DCP1B: variants seen among roughly 807,000 people sequenced by gnomAD.
DCP1B encodes mRNA-decapping enzyme 1B.
DCP1B carries 47 observed loss-of-function variants against 60.5 expected under a neutral mutation model. That is an observed-to-expected ratio of 0.78 (90% CI 0.61 to 0.99). The LOEUF is 0.99. Ranked by LOEUF, DCP1B falls within the 50% of genes least tolerant of loss-of-function variation. DCP1B has a pLI of 0.00. For missense variants in DCP1B, 725 were observed against 756.8 expected, an observed-to-expected ratio of 0.96 and a Z score of 0.49; for synonymous variants, 267 against 280.3, an observed-to-expected ratio of 0.95 and a Z score of 0.47.
At chr12:1,994,979 G>A (rs1486101701) in intron 2 of DCP1B, among the ~76,000 whole-genome samples, 1 of 142,586 alleles carries the variant, frequency 7.0e-6, no homozygotes, top group African/African-American at 2.6e-5. Flanking sequence ...CAACATTCTA[G>A]GATCTGGGAG....
At chr12:1,974,058 A>G (rs1304355434) in intron 3 of DCP1B, among the ~76,000 whole-genome samples, 2 of 152,210 alleles carry the variant, frequency 1.3e-5, no homozygotes, top group African/African-American at 4.8e-5. Context: ...CCACTAGACT[A>G]TAAGCTCCTG....
chr12:1,943,294 G>C (rs2030324519), downstream of DCP1B, among the ~76,000 whole-genome samples: 1 of 152,162 alleles, frequency 6.6e-6, no homozygotes, highest in Non-Finnish European at 1.5e-5. Flanking sequence ...CTGAAATTGA[G>C]GCAGTAATTA....
intron 3 of DCP1B, among the ~76,000 whole-genome samples, chr12:1,990,217 T>C (rs1316506413): frequency 1.3e-5 from 2 of 152,234 alleles, no homozygotes; most frequent in Admixed American, 1.3e-4. Context: ...GAAAAAGTTA[T>C]GGGATAACCC....
At position 1,949,217 on chromosome 12, in the gene DCP1B, C is replaced by T. The variant is rs200121287; in HGVS notation, c.1642G>A (p.Val548Met). ...PKERESGLLP[V>M]GGQEPPAAAT... ...GCAGCAGGTGGCTCCTGGCCTCCCA[C>T]AGGCAAGAGGCCGCTCTCCCTTTCC... The change falls in exon 8 of 9, where the codon GTG becomes ATG. Residue 548 changes from valine to methionine, a missense_variant. Physicochemically the swap from Val to Met is conservative, Grantham distance 21. Coordinates refer to ENST00000280665, the MANE Select transcript of DCP1B (RefSeq NM_152640.5). 7 of 1,614,178 alleles carry T rather than the reference C, an allele frequency of 4.3e-6. No homozygotes were observed. In the Admixed American group the frequency reaches 6.7e-5, roughly 15 times the overall value.
At chr12:1,946,962 T>C (rs1378331292) in intron 8 of DCP1B, among the ~76,000 whole-genome samples, 1 of 152,166 alleles carries the variant, frequency 6.6e-6, no homozygotes, top group African/African-American at 2.4e-5. Flanking sequence ...TCCCCAAGTG[T>C]TGGATTACAG....
rs371483996 is a variant in DCP1B, at chr12:1,953,074, T to C, written c.866A>G (p.Gln289Arg). The C allele has an allele frequency of 9.9e-6, 16 of 1,614,172 alleles. No individual in the cohort carries two copies. The highest frequency in any genetic ancestry group is 2.7e-5 in the African/African-American group (2 of 75,036). Residue 289 changes from glutamine to arginine, a missense_variant, in exon 7 of 9, where the codon CAG becomes CGG. Gln to Arg is a conservative substitution (Grantham distance 43). Coordinates refer to ENST00000280665, the MANE Select transcript of DCP1B (RefSeq NM_152640.5). Reference sequence around the variant, plus strand: ...GAGTTTCTGAATGGCTGGACAGAGCTGCTTCTCAATGGGGGGTGAGTGTCT... The same window carrying C: ...GAGTTTCTGAATGGCTGGACAGAGCCGCTTCTCAATGGGGGGTGAGTGTCT... ...PRRHSPPIEK[Q>R]LCPAIQKLMV...
chr12:1,969,054 A>C (rs2031599484), intron 3 of DCP1B, among the ~76,000 whole-genome samples: 1 of 152,220 alleles, frequency 6.6e-6, no homozygotes, highest in East Asian at 1.9e-4. Context: ...ATCTTCACTG[A>C]AAACAGCAGC....
At chr12:1,943,614 C>G (rs895357450), downstream of DCP1B, among the ~76,000 whole-genome samples, 1 of 152,140 alleles carries the variant, frequency 6.6e-6, no homozygotes, top group Non-Finnish European at 1.5e-5. Context: ...CTTCATCCCT[C>G]GGATGCAAGG....
chr12:1,959,362 T>A (rs1032389955), intron 5 of DCP1B, among the ~76,000 whole-genome samples: 7 of 152,148 alleles, frequency 4.6e-5, no homozygotes, highest in Non-Finnish European at 8.8e-5. Flanking sequence ...CCAAAGTAGA[T>A]AAGGAACTCA....
At chr12:1,957,948 C>T (rs1464464156) in intron 5 of DCP1B, among the ~76,000 whole-genome samples, 1 of 152,148 alleles carries the variant, frequency 6.6e-6, no homozygotes, top group Non-Finnish European at 1.5e-5. Context: ...GAGACTTAAG[C>T]GTAAGGCCTG....
chr12:1,965,986 T>A (rs2031281425), intron 4 of DCP1B: 1 of 294,002 alleles, frequency 3.4e-6, no homozygotes. Flanking sequence ...TGCTCCTTTG[T>A]TTACATGTTG....
intron 3 of DCP1B, among the ~76,000 whole-genome samples, chr12:1,972,175 C>G (rs1476799897): frequency 6.6e-6 from 1 of 152,204 alleles, no homozygotes; most frequent in Non-Finnish European, 1.5e-5. Context: ...TGACATTACA[C>G]AAACCTCTTC....
At chr12:1,996,634 A>C (rs2470398) in intron 2 of DCP1B, among the ~76,000 whole-genome samples, 18,713 of 122,474 alleles carry the variant, frequency 0.15, 2,460 homozygotes, top group Admixed American at 0.22. Flanking sequence ...AAAAAAAAAA[A>C]AAAAAAAAAA....
At position 1,946,067 on chromosome 12, in the gene DCP1B, T is replaced by C. The variant is rs2030407667; in HGVS notation, c.*139A>G. ...AAACACTTGAGTATAAAAAAAAGTC[T>C]GAAACATTTTACTTCATATTACACA... is the stretch of plus-strand genomic sequence containing the variant. On this transcript the variant is annotated 3_prime_UTR_variant, in exon 9 of 9. Transcript: ENST00000280665. The C allele has an allele frequency of 4.9e-6, 3 of 616,324 alleles. No individual in the cohort carries two copies. The East Asian group carries it at 9.3e-5, about 19-fold the overall frequency. The allele number at this position is 616,324 out of a possible 1,614,324, so 38.2% of individuals were successfully genotyped here. A position where few individuals can be genotyped will look rare whatever the true frequency, so the allele number is the denominator to read the frequency against.
chr12:1,999,420 A>G (rs2041670444), intron 1 of DCP1B, among the ~76,000 whole-genome samples: 1 of 152,256 alleles, frequency 6.6e-6, no homozygotes, highest in African/African-American at 2.4e-5. Context: ...AATTATAAAT[A>G]AAGAATTTAG....
In DCP1B at chr12:1,948,945, C is replaced by T; in HGVS notation, c.1773+141G>A. The T allele has an allele frequency of 9.0e-7, 1 of 1,114,222 alleles. No homozygotes were observed. 69.0% of individuals were successfully genotyped at this position (1,114,222 alleles called of 1,614,324 possible). A position where few individuals can be genotyped will look rare whatever the true frequency, so the allele number is the denominator to read the frequency against. On this transcript the variant is annotated intron_variant, in intron 8 of 8. Transcript: ENST00000280665. The surrounding 1 kb of genome is among the most constrained non-coding windows in gnomAD (Gnocchi z 4.8). ...CCTAGCTAACTGAGCACAGAAGCCGCTGGGGTCAGGATGAGTTGTTACACA... is the reference window on the plus strand; with the variant it reads ...CCTAGCTAACTGAGCACAGAAGCCGTTGGGGTCAGGATGAGTTGTTACACA...
chr12:1,983,103 T>C (rs950778410), intron 3 of DCP1B, among the ~76,000 whole-genome samples: 3 of 152,058 alleles, frequency 2.0e-5, no homozygotes, highest in Non-Finnish European at 4.4e-5. Flanking sequence ...CTTTCATTTC[T>C]GATACTGCTA....
At chr12:1,952,311 C>A in intron 7 of DCP1B, 105 bp downstream of exon 7, 3 of 1,362,628 alleles carry the variant, frequency 2.2e-6, no homozygotes, top group Non-Finnish European at 1.9e-6. Flanking sequence ...GTAGCTGGTG[C>A]TATAGGCGTG....
chr12:1,998,083 A>G, intron 1 of DCP1B, 108 bp from the exon 2 acceptor site: 2 of 865,146 alleles, frequency 2.3e-6, no homozygotes, highest in East Asian at 5.6e-5. Flanking sequence ...CAATGGGCCA[A>G]ATATACCCAA....
Sources: gnomAD v4.1 joint callset for allele counts (sites outside exome capture counted in the v4.1 genomes callset) on GRCh38, gnomAD v4.1.1 for gene constraint, Gnocchi (gnomAD v3.1) non-coding constraint, MANE v1.5 for transcripts, NCBI Gene and HGNC (gene_info 2026-07-23, HGNC 2026-07-21) for gene names.